The following SNX24 variants were observed in gnomAD, a reference collection of about 807,000 sequenced individuals.
SNX24 encodes sorting nexin-24.
A neutral mutation model predicts 28.7 loss-of-function variants in SNX24; 22 were observed. That is an observed-to-expected ratio of 0.77 (90% CI 0.55 to 1.10). The LOEUF (loss-of-function observed/expected upper bound fraction) is 1.10, where lower values mean the gene tolerates loss of function less well. Among genes scored for constraint, SNX24 ranks in the 50% least tolerant of loss-of-function variants. The probability of loss-of-function intolerance (pLI) is 0.00; values close to 1 mark genes in which losing one functional copy is unlikely to be tolerated. For synonymous variants in SNX24, 69 were observed against 71.5 expected (o/e 0.96, Z 0.18); for missense variants, 221 against 201.1 (o/e 1.10, Z -0.60).
At chr5:122,905,500 T>C (rs916559350) in intron 1 of SNX24, among the ~76,000 whole-genome samples, 4 of 152,194 alleles carry the variant, frequency 2.6e-5, no homozygotes, top group Non-Finnish European at 5.9e-5. Flanking sequence ...TCAAAACTTT[T>C]TGAGTGCTAA....
chr5:122,987,068 A>G (rs1561699437), intron 3 of SNX24, among the ~76,000 whole-genome samples: 1 of 152,164 alleles, frequency 6.6e-6, no homozygotes, highest in Non-Finnish European at 1.5e-5. Context: ...AGTGCAGTAT[A>G]GGTAGAGTTG....
chr5:122,906,745 T>C, intron 1 of SNX24, among the ~76,000 whole-genome samples: 1 of 152,160 alleles, frequency 6.6e-6, no homozygotes, highest in East Asian at 1.9e-4. Flanking sequence ...TGACCTCAGG[T>C]GATCCGCCCG....
chr5:122,956,367 TACACACACACACACAC>T (rs9327282), intron 3 of SNX24, among the ~76,000 whole-genome samples: 40 of 147,240 alleles, frequency 2.7e-4, no homozygotes, highest in South Asian at 6.4e-4. Flanking sequence ...AAAAAATATA[TACACACACACACACAC>T]ACACACACAC....
chr5:122,899,658 C>T (rs530474735), intron 1 of SNX24, among the ~76,000 whole-genome samples: 1 of 152,074 alleles, frequency 6.6e-6, no homozygotes, highest in Non-Finnish European at 1.5e-5. Context: ...GTACGCCTGC[C>T]TCAGCCTCCC....
At chr5:122,993,258 A>G (rs1761927930) in intron 3 of SNX24, among the ~76,000 whole-genome samples, 1 of 148,954 alleles carries the variant, frequency 6.7e-6, no homozygotes, top group Admixed American at 6.7e-5. Flanking sequence ...TTTATTTTTC[A>G]GGTGGTCAGG....
chr5:123,001,864 C>T, intron 5 of SNX24, 76 bp from the exon 6 acceptor site: 1 of 1,248,060 alleles, frequency 8.0e-7, no homozygotes, highest in South Asian at 1.2e-5. Context: ...AGTTTGATCC[C>T]CTCAAAGCTA....
chr5:122,850,011 C>T (rs1408322756), intron 1 of SNX24, among the ~76,000 whole-genome samples: 1 of 152,136 alleles, frequency 6.6e-6, no homozygotes, highest in African/African-American at 2.4e-5. Context: ...GAGAGATCAG[C>T]TGACTCCCCT....
chr5:122,973,507 G>A (rs1173620319), intron 3 of SNX24, among the ~76,000 whole-genome samples: 1 of 152,226 alleles, frequency 6.6e-6, no homozygotes, highest in Non-Finnish European at 1.5e-5. Context: ...TCCCTGTGAA[G>A]CCATTGGTGC....
chr5:122,926,500 A>G (rs1758699966), intron 1 of SNX24, among the ~76,000 whole-genome samples: 1 of 152,192 alleles, frequency 6.6e-6, no homozygotes, highest in Non-Finnish European at 1.5e-5. Flanking sequence ...TGGCAAAAAC[A>G]CTGGCTCATG....
rs977645471 is a variant in SNX24 at position 122,931,843 on chromosome 5, C to CT, written c.61-4881dup. ...GAATTCTTTTCTTTTTTCTTTTTCT[C>CT]TTTTTTTTTTGCTTTAGAAGTGATC... is the stretch of plus-strand genomic sequence containing the variant. On this transcript the variant is annotated intron_variant, in intron 1 of 6. Coordinates refer to ENST00000261369, the MANE Select transcript of SNX24 (RefSeq NM_014035.4). Among the ~76,000 whole-genome samples, 232 of 146,458 alleles carry CT rather than the reference C, an allele frequency of 1.6e-3. 3 individuals carry two copies. The highest frequency in any genetic ancestry group is 3.5e-3 in the African/African-American group (142 of 40,168).
chr5:122,896,451 G>T (rs987294970), intron 1 of SNX24, among the ~76,000 whole-genome samples: 1 of 152,214 alleles, frequency 6.6e-6, no homozygotes, highest in Non-Finnish European at 1.5e-5. Flanking sequence ...CTTAGCTGCA[G>T]CTGGCGAATG....
chr5:122,967,041 C>A lies in SNX24; in HGVS notation c.249+20882C>A, dbSNP rs149994512. ...ACCATCTCACTGACTAAAACCATGA[C>A]TGATTTAAAATGCTACTTAGGAATA... On this transcript the variant is annotated intron_variant, in intron 3 of 6. Coordinates refer to ENST00000261369, the MANE Select transcript of SNX24 (RefSeq NM_014035.4). Among the ~76,000 whole-genome samples the A allele has an allele frequency of 5.7e-4, 87 of 152,224 alleles. 1 individual carries two copies. The highest frequency in any genetic ancestry group is 2.0e-3 in the African/African-American group (82 of 41,548).
At chr5:122,971,768 C>G (rs1370149341) in intron 3 of SNX24, among the ~76,000 whole-genome samples, 1 of 152,210 alleles carries the variant, frequency 6.6e-6, no homozygotes, top group Non-Finnish European at 1.5e-5. Context: ...TTACAGTCCT[C>G]ATTCATGCAA....
chr5:122,899,545 A>G (rs1757340224), intron 1 of SNX24, among the ~76,000 whole-genome samples: 1 of 152,126 alleles, frequency 6.6e-6, no homozygotes. Context: ...AATAGCTGGG[A>G]CTACAGGCAC....
chr5:122,890,927 C>G lies in SNX24; in HGVS notation c.60+45234C>G, dbSNP rs955770117. The stretch of plus-strand genomic sequence containing the variant: ...AGGAATTGTTAATTAAAATTTTTAT[C>G]CCTTCAAGATTTTTCTGCAAGGATT... On this transcript the variant is annotated intron_variant, in intron 1 of 6. Transcript: ENST00000261369. 10 of 1,149,214 alleles carry G rather than the reference C, an allele frequency of 8.7e-6. No individual in the cohort carries two copies. The African/African-American group carries it at 1.6e-4, about 18-fold the overall frequency. 71.2% of individuals were successfully genotyped at this position (1,149,214 alleles called of 1,614,324 possible).
At position 122,853,768 on chromosome 5, in the gene SNX24, G is replaced by A. The variant is rs1025564782; in HGVS notation, c.60+8075G>A. 35 of 321,254 alleles carry A rather than the reference G, an allele frequency of 1.1e-4. No homozygotes were observed. The East Asian group carries it at 1.7e-3, about 15-fold the overall frequency. 19.9% of individuals were successfully genotyped at this position (321,254 alleles called of 1,614,324 possible). ...CTCCCAAGATGCTGGCATTACAGCC[G>A]TAAGCCACTGTGCCTGCCTTAAGAA... On this transcript the variant is annotated intron_variant, in intron 1 of 6. Coordinates refer to ENST00000261369, the MANE Select transcript of SNX24 (RefSeq NM_014035.4).
chr5:122,860,397 A>C (rs952367002), intron 1 of SNX24, among the ~76,000 whole-genome samples: 2 of 152,138 alleles, frequency 1.3e-5, no homozygotes, highest in African/African-American at 4.8e-5. Flanking sequence ...TATGTGTGTA[A>C]GTTCCCCAAA....
chr5:122,882,992 G>A (rs1005048803), intron 1 of SNX24, among the ~76,000 whole-genome samples: 6 of 152,246 alleles, frequency 3.9e-5, no homozygotes, highest in African/African-American at 1.4e-4. Flanking sequence ...AATGGGTGGA[G>A]CAGATCAAGG....
At chr5:122,903,796 A>G (rs1333829461) in intron 1 of SNX24, among the ~76,000 whole-genome samples, 2 of 152,160 alleles carry the variant, frequency 1.3e-5, no homozygotes, top group East Asian at 3.8e-4. Flanking sequence ...AAATTTTTAT[A>G]CTTTTGATAA....
Sources: allele counts gnomAD v4.1 joint callset (sites outside exome capture counted in the v4.1 genomes callset), GRCh38; gene constraint gnomAD v4.1.1; transcripts MANE v1.5; gene names NCBI Gene and HGNC (gene_info 2026-07-23, HGNC 2026-07-21).